The following CDH4 variants were observed in gnomAD, a reference collection of about 807,000 sequenced individuals.
The protein encoded by CDH4 is cadherin-4.
In CDH4, 33 loss-of-function variants were observed where a neutral mutation model predicts 86.0. The ratio of observed to expected loss-of-function variants is 0.38; its 90% CI spans 0.29 to 0.51. The LOEUF (loss-of-function observed/expected upper bound fraction) is 0.51. CDH4 is among the 20% of genes least tolerant of loss of function. The pLI is 0.86. For synonymous variants in CDH4, 555 were observed against 549.4 expected (o/e 1.01, Z -0.14); for missense variants, 1,114 against 1,307.4 (o/e 0.85, Z 2.28).
rs183035073 is a variant in CDH4, at chr20:61,855,470, G to A, written c.877+2572G>A. The stretch of plus-strand genomic sequence containing the variant: ...ACGGATGAGGACACAGGAGCCCCTC[G>A]CAAGGGTGCAGATGTGGAGGAGTGG... On this transcript the variant is annotated intron_variant, in intron 6 of 15. Transcript: ENST00000614565. Among the ~76,000 whole-genome samples the A allele has an allele frequency of 3.5e-4, 54 of 152,242 alleles. 1 individual carries two copies. Among genetic ancestry groups the A allele is most frequent in the African/African-American group, 1.1e-3 (47 of 41,532 alleles).
chr20:61,808,137 A>G (rs932213156), intron 4 of CDH4, among the ~76,000 whole-genome samples: 10 of 151,844 alleles, frequency 6.6e-5, no homozygotes, highest in African/African-American at 2.2e-4. Context: ...GGGCCCCCAC[A>G]GCCTGGGGAA....
chr20:61,908,655 TG>T (rs1199222147), intron 8 of CDH4, among the ~76,000 whole-genome samples: 1 of 148,014 alleles, frequency 6.8e-6, no homozygotes, highest in Non-Finnish European at 1.5e-5. Flanking sequence ...CTCCCTTCTT[TG>T]GGCTTGTGGT....
rs1288076329 is a variant in CDH4, at chr20:61,510,441, G to A, written c.170-233122G>A. ...TTAGCCTCTGTCAAAGAGCTGGAAG[G>A]ATACGTTTACTATCGGAATGCCCGC... On this transcript the variant is annotated intron_variant, in intron 2 of 15. Coordinates refer to ENST00000614565, the MANE Select transcript of CDH4 (RefSeq NM_001794.5). The surrounding 1 kb of genome is among the most constrained non-coding windows in gnomAD (Gnocchi z 4.2). Among the ~76,000 whole-genome samples the A allele has an allele frequency of 6.6e-6, 1 of 152,214 alleles. No homozygotes were observed. The highest frequency in any genetic ancestry group is 1.5e-5 in the Non-Finnish European group (1 of 68,038).
At chr20:61,748,289 T>C (rs925748869) in intron 3 of CDH4, among the ~76,000 whole-genome samples, 2 of 152,194 alleles carry the variant, frequency 1.3e-5, no homozygotes, top group African/African-American at 4.8e-5. Flanking sequence ...TGTGCCACCA[T>C]GACCAGCTAA....
rs561428679 is a variant in CDH4 at position 61,684,094 on chromosome 20, G to A, written c.170-59469G>A. On this transcript the variant is annotated intron_variant, in intron 2 of 15. Transcript: ENST00000614565. The surrounding 1 kb of genome is among the most constrained non-coding windows in gnomAD (Gnocchi z 4.5). ...TGTGTGGATTCATTTAACAGGGTTGGCTGATACCTACTGTGTAGCAGGGAT... is the reference window on the plus strand; with the variant it reads ...TGTGTGGATTCATTTAACAGGGTTGACTGATACCTACTGTGTAGCAGGGAT... Among the ~76,000 whole-genome samples, 1 of 152,240 alleles carries A rather than the reference G, an allele frequency of 6.6e-6. No homozygotes were observed. The highest frequency in any genetic ancestry group is 1.5e-5 in the Non-Finnish European group (1 of 68,038).
At chr20:61,867,044 A>G (rs1423541047) in intron 6 of CDH4, among the ~76,000 whole-genome samples, 1 of 152,228 alleles carries the variant, frequency 6.6e-6, no homozygotes, top group African/African-American at 2.4e-5. Context: ...CTCAGGGAGC[A>G]TCCAGTGAGG....
At chr20:61,450,741 C>T (rs1240966918) in intron 2 of CDH4, among the ~76,000 whole-genome samples, 1 of 151,542 alleles carries the variant, frequency 6.6e-6, no homozygotes, top group Non-Finnish European at 1.5e-5. Context: ...GCAAACTGCT[C>T]GGTGGCCACT....
chr20:61,497,650 G>A (rs1030848969), intron 2 of CDH4, among the ~76,000 whole-genome samples: 14 of 152,224 alleles, frequency 9.2e-5, no homozygotes, highest in East Asian at 1.9e-4. Context: ...ACAGTGTGGC[G>A]ATTCCTCAAG....
intron 4 of CDH4, among the ~76,000 whole-genome samples, chr20:61,796,236 T>TC (rs1322645900): frequency 6.6e-6 from 1 of 152,166 alleles, no homozygotes; most frequent in Non-Finnish European, 1.5e-5. Flanking sequence ...GCTGAGTGAC[T>TC]CCCCTGAGGC....
At chr20:61,831,710 G>A (rs1981623261) in intron 4 of CDH4, among the ~76,000 whole-genome samples, 1 of 152,230 alleles carries the variant, frequency 6.6e-6, no homozygotes, top group Non-Finnish European at 1.5e-5. Context: ...GTCCCTCCAG[G>A]CTCCTGGGCG....
intron 6 of CDH4, among the ~76,000 whole-genome samples, chr20:61,859,247 G>A (rs1235892164): frequency 6.6e-6 from 1 of 152,112 alleles, no homozygotes; most frequent in African/African-American, 2.4e-5. Flanking sequence ...TTCCTACTAC[G>A]TTATTCTTTT....
chr20:61,902,357 T>C lies in CDH4; in HGVS notation c.1188+7310T>C, dbSNP rs1291402352. 6.6e-6 allele frequency among the ~76,000 whole-genome samples: 1 copy of C among 152,244 alleles called. No individual in the cohort carries two copies. Among genetic ancestry groups the C allele is most frequent in the Non-Finnish European group, 1.5e-5 (1 of 68,032 alleles). On this transcript the variant is annotated intron_variant, in intron 8 of 15. Coordinates refer to ENST00000614565, the MANE Select transcript of CDH4 (RefSeq NM_001794.5). This position sits in a 1 kb window ranked among gnomAD's most constrained non-coding sequence, Gnocchi z 4.6. ...ACCAGCCACGGAGACCCGGGGTCTA[T>C]GGGCAGTGCCCTAAATGCCAGCCAT...
chr20:61,518,001 TC>T lies in CDH4; in HGVS notation c.170-225558del, dbSNP rs1428924117. Among the ~76,000 whole-genome samples the T allele has an allele frequency of 6.9e-6, 1 of 144,126 alleles. No individual in the cohort carries two copies. The highest frequency in any genetic ancestry group is 1.5e-5 in the Non-Finnish European group (1 of 66,654). The allele number at this position is 144,126 out of a possible 152,430, so 94.6% of individuals were successfully genotyped here. A position where few individuals can be genotyped will look rare whatever the true frequency, so the allele number is the denominator to read the frequency against. ...GGGGCTGGGGCAGGAGCTGCCTGCC[TC>T]CCCGTGCGGGGAGGATGCCTCAGCC... On this transcript the variant is annotated intron_variant, in intron 2 of 15. Coordinates refer to ENST00000614565, the MANE Select transcript of CDH4 (RefSeq NM_001794.5). The surrounding 1 kb of genome is among the most constrained non-coding windows in gnomAD (Gnocchi z 6.3).
At chr20:61,547,221 T>C (rs1382109168) in intron 2 of CDH4, among the ~76,000 whole-genome samples, 5 of 99,588 alleles carry the variant, frequency 5.0e-5, no homozygotes, top group Non-Finnish European at 8.9e-5. Flanking sequence ...TTTTTTTTTT[T>C]TTGCCCCCTG....
At chr20:61,279,229 G>A (rs528499692) in intron 2 of CDH4, among the ~76,000 whole-genome samples, 8 of 152,306 alleles carry the variant, frequency 5.3e-5, no homozygotes, top group Non-Finnish European at 1.0e-4. Context: ...GGGACACGGC[G>A]AGGCACTCAT....
At chr20:61,509,813 G>A (rs1009849513) in intron 2 of CDH4, among the ~76,000 whole-genome samples, 10 of 152,230 alleles carry the variant, frequency 6.6e-5, no homozygotes, top group South Asian at 2.1e-4. Flanking sequence ...TTGCCCCACC[G>A]AAGTCTCAGG....
chr20:61,661,778 C>G (rs1004596053), intron 2 of CDH4, among the ~76,000 whole-genome samples: 6 of 152,184 alleles, frequency 3.9e-5, no homozygotes, highest in African/African-American at 1.4e-4. Flanking sequence ...GTCCGCCCAT[C>G]ATTCACCAAA....
intron 2 of CDH4, among the ~76,000 whole-genome samples, chr20:61,394,698 A>G (rs117976828): frequency 0.02 from 3,021 of 152,000 alleles, 45 homozygotes; most frequent in Non-Finnish European, 0.03. Context: ...TGTTGGAGCC[A>G]GAACTGCTGC....
chr20:61,319,960 A>AAT, intron 2 of CDH4, among the ~76,000 whole-genome samples: 1 of 152,150 alleles, frequency 6.6e-6, no homozygotes, highest in African/African-American at 2.4e-5. Context: ...ATCTAAAAAA[A>AAT]AAAAAAAATG....
Sources: gnomAD v4.1 joint callset for allele counts (sites outside exome capture counted in the v4.1 genomes callset) on GRCh38, gnomAD v4.1.1 for gene constraint, Gnocchi (gnomAD v3.1) non-coding constraint, MANE v1.5 for transcripts, NCBI Gene and HGNC (gene_info 2026-07-23, HGNC 2026-07-21) for gene names.